The following RNF169 variants were observed in gnomAD, a reference collection of about 807,000 sequenced individuals.
RNF169 encodes E3 ubiquitin-protein ligase RNF169.
Under a neutral mutation model 53.9 loss-of-function variants are expected in RNF169, and 24 were observed. That is an observed-to-expected ratio of 0.45 (90% confidence interval 0.32 to 0.63). The LOEUF (loss-of-function observed/expected upper bound fraction) is 0.63. Among genes scored for constraint, RNF169 ranks in the 20% least tolerant of loss-of-function variants. The pLI is 0.04. For synonymous variants in RNF169, 396 were observed against 363.5 expected (o/e 1.09, Z -1.02); for missense variants, 883 against 906.2 (o/e 0.97, Z 0.33).
At position 74,837,224 on chromosome 11, in the gene RNF169, A is replaced by G. The variant is rs934285209; in HGVS notation, c.*494A>G. The G allele has an allele frequency of 6.5e-6, 1 of 154,082 alleles. No individual in the cohort carries two copies. The highest frequency in any genetic ancestry group is 2.4e-5 in the African/African-American group (1 of 41,478). 9.5% of individuals were successfully genotyped at this position (154,082 alleles called of 1,614,324 possible). ...TCCCTTGCCAAAAATAAGTAAATAT[A>G]TCAGTTAAGATTATGCCTTTACAAA... is the stretch of plus-strand genomic sequence containing the variant. On this transcript the variant is annotated 3_prime_UTR_variant, in exon 6 of 6. Transcript: ENST00000299563.
In RNF169 at chr11:74,803,092, C is replaced by CTT. The variant is rs1209310960; in HGVS notation, c.577-7080_577-7079dup. Among the ~76,000 whole-genome samples, 1,150 of 131,720 alleles carry CTT rather than the reference C, an allele frequency of 8.7e-3. 21 individuals carry two copies. Among genetic ancestry groups the CTT allele is most frequent in the African/African-American group, 0.031 (1,081 of 35,014 alleles). The allele number at this position is 131,720 out of a possible 152,430, so 86.4% of individuals were successfully genotyped here. On this transcript the variant is annotated intron_variant, in intron 2 of 5. Coordinates refer to ENST00000299563, the MANE Select transcript of RNF169 (RefSeq NM_001098638.2). ...CCCACCACCATGCCAGGCTAATTTT[C>CTT]TTTTTTTTTTTTTGAGATAGAGTCT... is the stretch of plus-strand genomic sequence containing the variant.
intron 1 of RNF169, among the ~76,000 whole-genome samples, chr11:74,770,059 TG>T: frequency 6.6e-6 from 1 of 152,226 alleles, no homozygotes; most frequent in Non-Finnish European, 1.5e-5. Flanking sequence ...CTCAAAGTGC[TG>T]GGATTACAGG....
intron 3 of RNF169, among the ~76,000 whole-genome samples, chr11:74,810,966 G>T (rs1433692610): frequency 6.6e-6 from 1 of 152,164 alleles, no homozygotes; most frequent in Non-Finnish European, 1.5e-5. Context: ...AAGTCATATT[G>T]GATTGGACAT....
chr11:74,798,369 CTT>C (rs1006529708), intron 2 of RNF169, among the ~76,000 whole-genome samples: 6 of 152,206 alleles, frequency 3.9e-5, no homozygotes, highest in African/African-American at 1.4e-4. Flanking sequence ...GTGGTCATCT[CTT>C]ATAGTCGAGA....
At chr11:74,766,583 G>A (rs767599779) in intron 1 of RNF169, among the ~76,000 whole-genome samples, 1 of 152,176 alleles carries the variant, frequency 6.6e-6, no homozygotes, top group Non-Finnish European at 1.5e-5. Flanking sequence ...AAGATGATAT[G>A]ATGCCTGGGA....
chr11:74,782,158 A>G (rs1591401406), intron 1 of RNF169, among the ~76,000 whole-genome samples: 1 of 152,002 alleles, frequency 6.6e-6, no homozygotes, highest in Non-Finnish European at 1.5e-5. Context: ...GCTGGTGGAG[A>G]GTTAAGTGTG....
rs187844329 is a variant in RNF169, at chr11:74,836,511, C to T, written c.1908C>T (p.Ser636=). The T allele has an allele frequency of 1.6e-5, 26 of 1,614,172 alleles. No homozygotes were observed. In the East Asian group the frequency reaches 5.6e-4, roughly 35 times the overall value. The change falls in exon 6 of 6, where the codon TCC becomes TCT. Residue 636 remains serine (S), a synonymous_variant. Transcript: ENST00000299563. Reference sequence around the variant, plus strand: ...CCAAGCACTTAGAACAAAATGGCTCCCTTAAAAAACTGCGACAAACCAGTG... The same window carrying T: ...CCAAGCACTTAGAACAAAATGGCTCTCTTAAAAAACTGCGACAAACCAGTG... ...CKTKHLEQNG[S]LKKLRQTSGE... is the part of the protein sequence containing the mutation.
chr11:74,767,428 C>G (rs922433823), intron 1 of RNF169, among the ~76,000 whole-genome samples: 1 of 151,916 alleles, frequency 6.6e-6, no homozygotes, highest in Non-Finnish European at 1.5e-5. Context: ...TTTTTTGAGA[C>G]AGAGTCTCAC....
At chr11:74,766,067 T>C (rs538318367) in intron 1 of RNF169, among the ~76,000 whole-genome samples, 214 of 152,094 alleles carry the variant, frequency 1.4e-3, no homozygotes, top group Middle Eastern at 6.8e-3. Flanking sequence ...AAAATACAAC[T>C]ATAGATATAA....
rs193289178 is a variant in RNF169 at position 74,825,480 on chromosome 11, T to C, written c.842+7766T>C. 1.6e-4 allele frequency among the ~76,000 whole-genome samples: 25 copies of C among 152,238 alleles called. No homozygotes were observed. The East Asian group carries it at 3.3e-3, about 20-fold the overall frequency. On this transcript the variant is annotated intron_variant, in intron 4 of 5. Transcript: ENST00000299563. ...GAAATTGAATCCCTCAATAGACCAA[T>C]AATGAGTTCTGAAATTGAGGCAGTA...
chr11:74,773,357 AT>A, intron 1 of RNF169, among the ~76,000 whole-genome samples: 1 of 152,306 alleles, frequency 6.6e-6, no homozygotes, highest in Middle Eastern at 3.4e-3. Flanking sequence ...GTTCTGTTGC[AT>A]TTCTTTCTCT....
At position 74,817,589 on chromosome 11, in the gene RNF169, C is replaced by T; in HGVS notation, c.724-7C>T. On this transcript the variant is annotated splice_polypyrimidine_tract_variant and splice_region_variant and intron_variant, in intron 3 of 5. Transcript: ENST00000299563. ...GGACAGTGTTGTCTCCCTTGTCTCCCTGCCAGTGTCCTGCACGTCTCTCAG... is the reference window on the plus strand; with the variant it reads ...GGACAGTGTTGTCTCCCTTGTCTCCTTGCCAGTGTCCTGCACGTCTCTCAG... 1 of 1,583,972 alleles carries T rather than the reference C, an allele frequency of 6.3e-7. No homozygotes were observed. The highest frequency in any genetic ancestry group is 8.7e-7 in the Non-Finnish European group (1 of 1,152,578).
intron 4 of RNF169, among the ~76,000 whole-genome samples, chr11:74,828,009 AG>A (rs1410635762): frequency 6.6e-6 from 1 of 152,202 alleles, no homozygotes; most frequent in Non-Finnish European, 1.5e-5. Flanking sequence ...AAAGAAATAA[AG>A]GGTATTCAAA....
chr11:74,784,473 G>A (rs2035460081), intron 1 of RNF169, among the ~76,000 whole-genome samples: 1 of 152,218 alleles, frequency 6.6e-6, no homozygotes, highest in Non-Finnish European at 1.5e-5. Flanking sequence ...GAGAAGGTGT[G>A]TGGGACAAAG....
At chr11:74,771,845 G>A (rs2035265183) in intron 1 of RNF169, among the ~76,000 whole-genome samples, 1 of 152,128 alleles carries the variant, frequency 6.6e-6, no homozygotes, top group Admixed American at 6.5e-5. Context: ...TTGAGGCCAG[G>A]GGTTCGAGAC....
chr11:74,752,519 C>T (rs2034913195), intron 1 of RNF169, among the ~76,000 whole-genome samples: 1 of 151,692 alleles, frequency 6.6e-6, no homozygotes, highest in Non-Finnish European at 1.5e-5. Flanking sequence ...CTCGCTTGAA[C>T]CTGGGAGGCG....
At chr11:74,815,976 T>C (rs1315912018) in intron 3 of RNF169, among the ~76,000 whole-genome samples, 3 of 152,228 alleles carry the variant, frequency 2.0e-5, no homozygotes. Flanking sequence ...GTTGGTGCTA[T>C]TAAAGTTTCT....
At position 74,837,979 on chromosome 11, in the gene RNF169, C is replaced by T. The variant is rs1402421388; in HGVS notation, c.*1249C>T. The T allele has an allele frequency of 6.6e-6, 1 of 152,184 alleles. No individual in the cohort carries two copies. The highest frequency in any genetic ancestry group is 1.5e-5 in the Non-Finnish European group (1 of 68,046). 9.4% of individuals were successfully genotyped at this position (152,184 alleles called of 1,614,324 possible). ...GGCATGCCCCATGTAGTATGAGTTA[C>T]TATATAAAGTCATGTGACTGGCATT... On this transcript the variant is annotated 3_prime_UTR_variant, in exon 6 of 6. Transcript: ENST00000299563.
intron 2 of RNF169, among the ~76,000 whole-genome samples, chr11:74,802,902 GT>G (rs1158056642): frequency 7.0e-6 from 1 of 143,644 alleles, no homozygotes; most frequent in Non-Finnish European, 1.5e-5. Flanking sequence ...TTGAAAACAA[GT>G]AATTGAACAC....
Sources: gnomAD v4.1 joint callset for allele counts (sites outside exome capture counted in the v4.1 genomes callset) on GRCh38, gnomAD v4.1.1 for gene constraint, MANE v1.5 for transcripts, NCBI Gene and HGNC (gene_info 2026-07-23, HGNC 2026-07-21) for gene names.